Variants in TSHZ3 observed in about 807,000 individuals in gnomAD.
The protein encoded by TSHZ3 is teashirt zinc finger homeobox 3.
A neutral mutation model predicts 64.5 loss-of-function variants in TSHZ3; 10 were observed. The ratio of observed to expected loss-of-function variants is 0.16; its 90% CI spans 0.10 to 0.26. The LOEUF (loss-of-function observed/expected upper bound fraction) is 0.26. Ranked by LOEUF, TSHZ3 falls within the 10% of genes least tolerant of loss-of-function variation. The pLI, the probability that TSHZ3 is intolerant of heterozygous loss-of-function variation, is 1.00. For synonymous variants in TSHZ3, 608 were observed against 593.1 expected (o/e 1.03, Z -0.36); for missense variants, 1,242 against 1,421.7 (o/e 0.87, Z 2.03).
intron 5 of TSHZ3, among the ~76,000 whole-genome samples, chr19:31,189,145 G>C (rs1974862866): frequency 6.6e-6 from 1 of 151,712 alleles, no homozygotes; most frequent in Non-Finnish European, 1.5e-5. Flanking sequence ...CTGGAAATTT[G>C]TGTTTCCCCT....
chr19:31,208,695 G>C (rs1975220139), intron 4 of TSHZ3, among the ~76,000 whole-genome samples: 2 of 152,204 alleles, frequency 1.3e-5, no homozygotes, highest in Admixed American at 6.5e-5. Flanking sequence ...GTTTTATGTA[G>C]GGGCAGTGAA....
At chr19:31,226,721 T>G (rs1975467581) in intron 4 of TSHZ3, among the ~76,000 whole-genome samples, 1 of 152,072 alleles carries the variant, frequency 6.6e-6, no homozygotes, top group Admixed American at 6.5e-5. Flanking sequence ...AGACATAAGG[T>G]GACCATATGT....
chr19:31,350,658 G>A (rs1316475031), upstream of TSHZ3, among the ~76,000 whole-genome samples: 4 of 151,606 alleles, frequency 2.6e-5, no homozygotes, highest in East Asian at 7.9e-4. Flanking sequence ...CCGGCCGACT[G>A]GCCGCGGCAA....
At chr19:31,164,352 C>T (rs891776991) in intron 5 of TSHZ3, among the ~76,000 whole-genome samples, 1 of 152,120 alleles carries the variant, frequency 6.6e-6, no homozygotes, top group Non-Finnish European at 1.5e-5. Flanking sequence ...GGATAGAAAT[C>T]TCAGGTATGC....
At chr19:31,257,903 G>T (rs1975932798) in intron 1 of TSHZ3, among the ~76,000 whole-genome samples, 1 of 152,194 alleles carries the variant, frequency 6.6e-6, no homozygotes, top group African/African-American at 2.4e-5. Flanking sequence ...TCTGACATGG[G>T]TCTTTGCCGA....
exon 7 of TSHZ3, among the ~76,000 whole-genome samples, chr19:31,150,729 T>C (rs1232500131): frequency 6.6e-6 from 1 of 152,144 alleles, no homozygotes. Flanking sequence ...AGCCACCTGG[T>C]TTCCAGGTAT....
intron 5 of TSHZ3, among the ~76,000 whole-genome samples, chr19:31,200,031 C>T (rs1400312802): frequency 6.6e-6 from 1 of 151,756 alleles, no homozygotes. Context: ...CTCTATATAC[C>T]TATTCGAATG....
At chr19:31,251,711 C>T (rs1414267267) in intron 1 of TSHZ3, among the ~76,000 whole-genome samples, 4 of 152,156 alleles carry the variant, frequency 2.6e-5, no homozygotes, top group Admixed American at 6.5e-5. Context: ...TGTTCTCAAG[C>T]CAAGGCCCCC....
chr19:31,317,391 G>T lies in TSHZ3; in HGVS notation c.40+31789C>A, dbSNP rs534566684. On this transcript the variant is annotated intron_variant, in intron 1 of 1. Coordinates refer to ENST00000240587, the MANE Select transcript of TSHZ3 (RefSeq NM_020856.4). ...GCTGAACAGTGCAGGCTCTTGATGG[G>T]GCAAGATGCAAAGAGCTGGGGGACC... Among the ~76,000 whole-genome samples the T allele has an allele frequency of 7.9e-5, 12 of 152,264 alleles. No individual in the cohort carries two copies. The South Asian group carries it at 1.4e-3, about 18-fold the overall frequency.
chr19:31,179,729 A>AGGT (rs61269486), intron 5 of TSHZ3, among the ~76,000 whole-genome samples: 1 of 147,234 alleles, frequency 6.8e-6, no homozygotes, highest in African/African-American at 2.5e-5. Context: ...TGATGATGGT[A>AGGT]GGTGGTGGTG....
At chr19:31,265,425 G>GAAAGA (rs1976042367) in intron 1 of TSHZ3, among the ~76,000 whole-genome samples, 2 of 120,922 alleles carry the variant, frequency 1.7e-5, no homozygotes, top group Non-Finnish European at 3.5e-5. Context: ...AAAAAAGAAA[G>GAAAGA]AAAGAAAGAA....
chr19:31,216,730 G>A (rs989160985), intron 4 of TSHZ3, among the ~76,000 whole-genome samples: 10 of 152,094 alleles, frequency 6.6e-5, no homozygotes, highest in East Asian at 1.9e-4. Context: ...TCTGCCTCCC[G>A]GGTTCATGCG....
At position 31,278,974 on chromosome 19, in the gene TSHZ3, C is replaced by T. The variant is rs149474575; in HGVS notation, c.819G>A (p.Lys273=). 95 of 1,614,154 alleles carry T rather than the reference C, an allele frequency of 5.9e-5. No homozygotes were observed. The African/African-American group carries it at 1.2e-3, about 21-fold the overall frequency. ...GGCCACAGTACATGCACTTCAGCAC[C>T]TTCTGGGCGTCTTCCTTCCCTTCCA... ...LEMEGKEDAQ[K]VLKCMYCGHS... is the part of the protein sequence containing the mutation. Residue 273 remains lysine (K), a synonymous_variant, in exon 2 of 2, where the codon AAG becomes AAA. Coordinates refer to ENST00000240587, the MANE Select transcript of TSHZ3 (RefSeq NM_020856.4). This position sits in a 1 kb window ranked among gnomAD's most constrained non-coding sequence, Gnocchi z 4.7.
intron 5 of TSHZ3, among the ~76,000 whole-genome samples, chr19:31,201,203 T>A (rs545883296): frequency 3.3e-5 from 5 of 152,192 alleles, no homozygotes; most frequent in Non-Finnish European, 4.4e-5. Context: ...ATTGTAATCA[T>A]TTGATTTTTA....
intron 1 of TSHZ3, among the ~76,000 whole-genome samples, chr19:31,331,183 C>T (rs750877739): frequency 2.6e-5 from 4 of 152,072 alleles, no homozygotes; most frequent in East Asian, 3.9e-4. Flanking sequence ...TCAGAGGGCA[C>T]GCGGGGAATG....
intron 5 of TSHZ3, among the ~76,000 whole-genome samples, chr19:31,203,314 G>A (rs1210779257): frequency 6.6e-6 from 1 of 152,176 alleles, no homozygotes; most frequent in African/African-American, 2.4e-5. Context: ...GTGGCAGGAA[G>A]AGTGAAGGAT....
At chr19:31,192,914 G>C (rs1340613712) in intron 5 of TSHZ3, among the ~76,000 whole-genome samples, 1 of 152,214 alleles carries the variant, frequency 6.6e-6, no homozygotes, top group East Asian at 1.9e-4. Flanking sequence ...CAAAGCCAGG[G>C]AGATGCGTGG....
At chr19:31,209,678 T>C (rs1975236324) in intron 4 of TSHZ3, among the ~76,000 whole-genome samples, 1 of 152,130 alleles carries the variant, frequency 6.6e-6, no homozygotes, top group Admixed American at 6.5e-5. Context: ...GAGGCAGTGC[T>C]AGGAAAGCAT....
intron 4 of TSHZ3, among the ~76,000 whole-genome samples, chr19:31,224,122 G>A (rs1975427757): frequency 1.3e-5 from 2 of 152,196 alleles, no homozygotes; most frequent in African/African-American, 4.8e-5. Flanking sequence ...CTGGCACGGA[G>A]ATATAACTTT....
Sources: gnomAD v4.1 joint callset for allele counts (sites outside exome capture counted in the v4.1 genomes callset) on GRCh38, gnomAD v4.1.1 for gene constraint, Gnocchi (gnomAD v3.1) non-coding constraint, MANE v1.5 for transcripts, NCBI Gene and HGNC (gene_info 2026-07-23, HGNC 2026-07-21) for gene names.